Variants in CTDSPL observed in about 807,000 individuals in gnomAD.
The protein encoded by CTDSPL is CTD small phosphatase-like protein.
Under a neutral mutation model 30.5 loss-of-function variants are expected in CTDSPL, and 8 were observed. The observed-to-expected ratio is 0.26, with a 90% confidence interval of 0.15 to 0.47. CTDSPL has a LOEUF of 0.47. CTDSPL is among the 20% of genes least tolerant of loss of function. CTDSPL has a pLI of 0.99. For synonymous variants in CTDSPL, 110 were observed against 137.9 expected (o/e 0.80, Z 1.42); for missense variants, 248 against 366.1 (o/e 0.68, Z 2.63).
At chr3:37,868,216 T>A (rs1251900705) in intron 1 of CTDSPL, among the ~76,000 whole-genome samples, 1 of 152,134 alleles carries the variant, frequency 6.6e-6, no homozygotes, top group Non-Finnish European at 1.5e-5. Flanking sequence ...TCTATATATC[T>A]TCTTTGATGA....
intron 1 of CTDSPL, among the ~76,000 whole-genome samples, chr3:37,911,237 T>G (rs1004358531): frequency 2.0e-5 from 3 of 152,202 alleles, no homozygotes; most frequent in African/African-American, 7.2e-5. Flanking sequence ...GGCTGCTGCA[T>G]TAGCTTTTCC....
chr3:37,925,312 T>G (rs947989622), intron 1 of CTDSPL, among the ~76,000 whole-genome samples: 33 of 152,162 alleles, frequency 2.2e-4, no homozygotes, highest in African/African-American at 7.7e-4. Flanking sequence ...TGGCATCAGG[T>G]TTCCCCCTTC....
chr3:37,911,299 C>T (rs978176588), intron 1 of CTDSPL, among the ~76,000 whole-genome samples: 1 of 152,214 alleles, frequency 6.6e-6, no homozygotes, highest in Non-Finnish European at 1.5e-5. Flanking sequence ...GAGGATAGTA[C>T]TCTTCAGGTT....
chr3:37,873,750 A>C (rs751949346), intron 1 of CTDSPL, among the ~76,000 whole-genome samples: 18 of 152,224 alleles, frequency 1.2e-4, no homozygotes, highest in Non-Finnish European at 2.2e-4. Flanking sequence ...TAAAAGTCAA[A>C]TTCAGTTAGT....
At chr3:37,925,973 C>T (rs1698776980) in intron 1 of CTDSPL, among the ~76,000 whole-genome samples, 1 of 152,186 alleles carries the variant, frequency 6.6e-6, no homozygotes, top group African/African-American at 2.4e-5. Context: ...CCGCTGGAAT[C>T]TAAGCTCAAT....
chr3:37,891,292 C>T (rs1341155576), intron 1 of CTDSPL, among the ~76,000 whole-genome samples: 1 of 152,210 alleles, frequency 6.6e-6, no homozygotes, highest in Non-Finnish European at 1.5e-5. Context: ...TCTGGGCTCA[C>T]TGTGTGTCTG....
intron 3 of CTDSPL, among the ~76,000 whole-genome samples, chr3:37,960,418 T>G (rs1337072909): frequency 3.0e-5 from 4 of 134,176 alleles, no homozygotes; most frequent in African/African-American, 8.6e-5. Context: ...AGGTGGAGGT[T>G]GCGGTGTGCT....
intron 1 of CTDSPL, among the ~76,000 whole-genome samples, chr3:37,927,164 A>G (rs1395775561): frequency 1.3e-5 from 2 of 152,228 alleles, no homozygotes; most frequent in African/African-American, 4.8e-5. Flanking sequence ...CCATTGAAGA[A>G]TAGAAAAAAT....
intron 3 of CTDSPL, among the ~76,000 whole-genome samples, chr3:37,957,569 G>A (rs568132003): frequency 2.6e-5 from 4 of 152,244 alleles, no homozygotes; most frequent in African/African-American, 7.2e-5. Flanking sequence ...CCAAGCCCAC[G>A]TCCCAGGTGA....
At chr3:37,976,630 C>CAAA (rs1195626616) in intron 7 of CTDSPL, among the ~76,000 whole-genome samples, 1 of 89,128 alleles carries the variant, frequency 1.1e-5, no homozygotes. Context: ...GACTCCGTCT[C>CAAA]AAAAAAAAAA....
Position 37,975,645 on chromosome 3 carries a change from T to C in CTDSPL, c.520-64T>C, listed in dbSNP as rs1699416560. 2.9e-6 allele frequency: 4 copies of C among 1,398,394 alleles called. No homozygotes were observed. The South Asian group carries it at 4.1e-5, about 14-fold the overall frequency. 86.6% of individuals were successfully genotyped at this position (1,398,394 alleles called of 1,614,324 possible). A position where few individuals can be genotyped will look rare whatever the true frequency, so the allele number is the denominator to read the frequency against. On this transcript the variant is annotated intron_variant, in intron 6 of 7. Coordinates refer to ENST00000273179, the MANE Select transcript of CTDSPL (RefSeq NM_001008392.2). The surrounding 1 kb of genome is among the most constrained non-coding windows in gnomAD (Gnocchi z 4.9). Reference sequence around the variant, plus strand: ...AAAAACGTAATCTGGATCTTGCTGCTGTAGTTCAGGGTTTGGGGGGCTCTT... The same window carrying C: ...AAAAACGTAATCTGGATCTTGCTGCCGTAGTTCAGGGTTTGGGGGGCTCTT...
chr3:37,888,659 C>G (rs539865402), intron 1 of CTDSPL, among the ~76,000 whole-genome samples: 4 of 152,172 alleles, frequency 2.6e-5, no homozygotes, highest in African/African-American at 9.7e-5. Context: ...ACATAGATTG[C>G]GTAGTATTTA....
chr3:37,963,387 T>G lies in CTDSPL; in HGVS notation c.268-1184T>G, dbSNP rs145176743. Among the ~76,000 whole-genome samples the G allele has an allele frequency of 2.5e-3, 385 of 152,298 alleles. 4 individuals are homozygous for G. The highest frequency in any genetic ancestry group is 8.8e-3 in the African/African-American group (364 of 41,570). On this transcript the variant is annotated intron_variant, in intron 3 of 7. Coordinates refer to ENST00000273179, the MANE Select transcript of CTDSPL (RefSeq NM_001008392.2). ...AAAATTAACTTTTGATCACTGACTT[T>G]CAGTTTGAACCAAAAAAATAAAAAG...
chr3:37,863,645 T>A, intron 1 of CTDSPL, among the ~76,000 whole-genome samples: 1 of 152,252 alleles, frequency 6.6e-6, no homozygotes, highest in South Asian at 2.1e-4. Flanking sequence ...GATTTCTTTC[T>A]AGGGGCTCCC....
intron 1 of CTDSPL, among the ~76,000 whole-genome samples, chr3:37,916,135 G>A (rs1241345310): frequency 2.0e-5 from 3 of 152,296 alleles, no homozygotes; most frequent in East Asian, 1.9e-4. Flanking sequence ...TTCAGAAGTG[G>A]CAGGTATCCC....
chr3:37,959,365 C>CG (rs1399917041), intron 3 of CTDSPL, among the ~76,000 whole-genome samples: 2 of 152,212 alleles, frequency 1.3e-5, no homozygotes, highest in Non-Finnish European at 2.9e-5. Context: ...TACATACACA[C>CG]GTACGTGAAG....
intron 1 of CTDSPL, among the ~76,000 whole-genome samples, chr3:37,888,461 A>G (rs1698286945): frequency 6.6e-6 from 1 of 152,144 alleles, no homozygotes; most frequent in Non-Finnish European, 1.5e-5. Context: ...GCCATTCTCC[A>G]AATTCCAAGT....
chr3:37,924,216 AGTATTGTGTGTCCT>A (rs1354917636), intron 1 of CTDSPL, among the ~76,000 whole-genome samples: 1 of 152,228 alleles, frequency 6.6e-6, no homozygotes, highest in Non-Finnish European at 1.5e-5. Flanking sequence ...AAGAGAGAAG[AGTATTGTGTGTCCT>A]GTTTATATGA....
Position 37,981,130 on chromosome 3 carries a change from A to C in CTDSPL, c.*263A>C. ...AACATACCAAAAAAGAAAAAAATAGAAAAAAAAAAAAAAAAAGCTTGATCT... is the reference window on the plus strand; with the variant it reads ...AACATACCAAAAAAGAAAAAAATAGCAAAAAAAAAAAAAAAAGCTTGATCT... On this transcript the variant is annotated 3_prime_UTR_variant, in exon 8 of 8. Transcript: ENST00000273179. The C allele has an allele frequency of 1.4e-5, 2 of 142,018 alleles. No individual in the cohort carries two copies. Among genetic ancestry groups the C allele is most frequent in the Non-Finnish European group, 2.9e-5 (2 of 68,662 alleles). The allele number at this position is 142,018 out of a possible 1,614,324, so 8.8% of individuals were successfully genotyped here. A position where few individuals can be genotyped will look rare whatever the true frequency, so the allele number is the denominator to read the frequency against.
Sources: gnomAD v4.1 joint callset for allele counts (sites outside exome capture counted in the v4.1 genomes callset) on GRCh38, gnomAD v4.1.1 for gene constraint, Gnocchi (gnomAD v3.1) non-coding constraint, MANE v1.5 for transcripts, NCBI Gene and HGNC (gene_info 2026-07-23, HGNC 2026-07-21) for gene names.